SFSWAP: variants seen among roughly 807,000 people sequenced by gnomAD.
The protein encoded by SFSWAP is splicing factor SWAP.
Under a neutral mutation model 100.7 loss-of-function variants are expected in SFSWAP, and 17 were observed. The observed-to-expected ratio is 0.17, with a 90% CI of 0.12 to 0.25. SFSWAP has a LOEUF of 0.25. Ranked by LOEUF, SFSWAP falls within the 10% of genes least tolerant of loss-of-function variation. The pLI, the probability that SFSWAP is intolerant of heterozygous loss-of-function variation, is 1.00. For missense variants in SFSWAP, 1,005 were observed against 1,262.6 expected, an observed-to-expected ratio of 0.80 and a Z score of 3.09; for synonymous variants, 504 against 510.1, an observed-to-expected ratio of 0.99 and a Z score of 0.16.
In SFSWAP at chr12:131,714,015, C is replaced by T. The variant is rs1234059262; in HGVS notation, c.219-56C>T. On this transcript the variant is annotated intron_variant, in intron 1 of 17. Transcript: ENST00000261674. This position sits in a 1 kb window ranked among gnomAD's most constrained non-coding sequence, Gnocchi z 6.0. ...ATATACATATATAAAACATCACACA[C>T]GCACACCAGTCTAGACGTTAATTTC... 2.5e-5 allele frequency: 33 copies of T among 1,345,620 alleles called. No homozygotes were observed. The highest frequency in any genetic ancestry group is 2.5e-4 in the Middle Eastern group (1 of 3,986). The allele number at this position is 1,345,620 out of a possible 1,614,324, so 83.4% of individuals were successfully genotyped here. A position where few individuals can be genotyped will look rare whatever the true frequency, so the allele number is the denominator to read the frequency against.
intron 14 of SFSWAP, among the ~76,000 whole-genome samples, chr12:131,782,662 C>T (rs1884584965): frequency 6.6e-6 from 1 of 152,188 alleles, no homozygotes; most frequent in South Asian, 2.1e-4. Context: ...ATATAAAATA[C>T]AGAAAGTTAA....
chr12:131,745,770 C>CA (rs1181381602), intron 7 of SFSWAP, among the ~76,000 whole-genome samples: 62 of 119,186 alleles, frequency 5.2e-4, no homozygotes, highest in East Asian at 1.7e-3. Flanking sequence ...TTTTTTTTGG[C>CA]AAAAAAAAAA....
At chr12:131,713,152 T>C (rs1446617295) in intron 1 of SFSWAP, 1 of 152,234 alleles carries the variant, frequency 6.6e-6, no homozygotes, top group Non-Finnish European at 1.5e-5. Flanking sequence ...TGTTTGTTTC[T>C]CTACATTTGT....
intron 13 of SFSWAP, among the ~76,000 whole-genome samples, chr12:131,771,224 C>G (rs564816838): frequency 1.3e-5 from 2 of 152,318 alleles, no homozygotes; most frequent in Admixed American, 6.5e-5. Flanking sequence ...GTTATCAATG[C>G]TTACAGTAGT....
In SFSWAP at chr12:131,734,791, C is replaced by T. The variant is rs1331988041; in HGVS notation, c.1081+6363C>T. 6.6e-6 allele frequency among the ~76,000 whole-genome samples: 1 copy of T among 152,188 alleles called. No homozygotes were observed. Among genetic ancestry groups the T allele is most frequent in the African/African-American group, 2.4e-5 (1 of 41,438 alleles). On this transcript the variant is annotated intron_variant, in intron 7 of 17. Transcript: ENST00000261674. The surrounding 1 kb of genome is among the most constrained non-coding windows in gnomAD (Gnocchi z 4.9). ...CTGACAGGTGAGATGAACGAGCTCT[C>T]CCTGCGTGCGCACGTCTACGTACGC...
intron 4 of SFSWAP, among the ~76,000 whole-genome samples, chr12:131,720,934 A>G (rs942411128): frequency 2.6e-5 from 4 of 152,164 alleles, no homozygotes; most frequent in Admixed American, 2.6e-4. Flanking sequence ...ATTTATAAAG[A>G]AGAGGTTTAA....
chr12:131,720,323 G>A (rs1374114031), intron 4 of SFSWAP, among the ~76,000 whole-genome samples: 1 of 152,170 alleles, frequency 6.6e-6, no homozygotes, highest in Non-Finnish European at 1.5e-5. Flanking sequence ...AAGAAACTGA[G>A]ACTTAGGAAA....
intron 7 of SFSWAP, among the ~76,000 whole-genome samples, chr12:131,743,823 G>C (rs1424007790): frequency 6.6e-6 from 1 of 152,224 alleles, no homozygotes; most frequent in East Asian, 1.9e-4. Context: ...ACTTCTGCCT[G>C]GGCATCCAGG....
At chr12:131,721,232 T>C (rs911963706) in intron 4 of SFSWAP, among the ~76,000 whole-genome samples, 3 of 152,146 alleles carry the variant, frequency 2.0e-5, no homozygotes, top group Admixed American at 1.3e-4. Context: ...GCCTCCAACA[T>C]TGGGAATGAC....
Position 131,778,304 on chromosome 12 carries a change from T to G in SFSWAP, c.2382T>G (p.Ser794Arg). Residue 794 changes from serine (S) to arginine (R), a missense_variant, in exon 14 of 18, where the codon AGT (serine) becomes AGG (arginine). Coordinates refer to ENST00000261674, the MANE Select transcript of SFSWAP (RefSeq NM_004592.4). The surrounding 1 kb of genome is among the most constrained non-coding windows in gnomAD (Gnocchi z 4.2). ...CAAAAGCAAAGCATTCTCTTCCCAG[T>G]GCCTATCGGACAGTGCGGCGGTCGA... ...SHSKAKHSLP[S>R]AYRTVRRSRS... 1.2e-6 allele frequency: 2 copies of G among 1,614,116 alleles called. No homozygotes were observed. Among genetic ancestry groups the G allele is most frequent in the Non-Finnish European group, 1.7e-6 (2 of 1,180,012 alleles).
chr12:131,737,154 A>G (rs1379402766), intron 7 of SFSWAP, among the ~76,000 whole-genome samples: 3 of 152,204 alleles, frequency 2.0e-5, no homozygotes, highest in Admixed American at 6.5e-5. Context: ...GGGGTGGGCC[A>G]GGGCCCGAGC....
At chr12:131,753,522 A>G in intron 8 of SFSWAP, 159 bp downstream of exon 8, 1 of 988,290 alleles carries the variant, frequency 1.0e-6, no homozygotes, top group East Asian at 2.7e-5. Context: ...TACAAAGTTG[A>G]CAGGAAAACA....
intron 14 of SFSWAP, among the ~76,000 whole-genome samples, chr12:131,781,213 C>T (rs1418577872): frequency 6.7e-6 from 1 of 149,954 alleles, no homozygotes; most frequent in Non-Finnish European, 1.5e-5. Context: ...TATTACTTCA[C>T]ATATGCAAAT....
intron 7 of SFSWAP, among the ~76,000 whole-genome samples, chr12:131,742,038 T>A (rs932990922): frequency 1.3e-5 from 2 of 152,186 alleles, no homozygotes; most frequent in Non-Finnish European, 2.9e-5. Flanking sequence ...TCCAACAGCC[T>A]TCTTGGGAAG....
rs1483059962 is a variant in SFSWAP, at chr12:131,734,470, T to G, written c.1081+6042T>G. 6.6e-6 allele frequency among the ~76,000 whole-genome samples: 1 copy of G among 152,218 alleles called. No homozygotes were observed. The highest frequency in any genetic ancestry group is 1.9e-4 in the East Asian group (1 of 5,200). On this transcript the variant is annotated intron_variant, in intron 7 of 17. Transcript: ENST00000261674. The surrounding 1 kb of genome is among the most constrained non-coding windows in gnomAD (Gnocchi z 4.9). ...GCCCACCCCACGCACTCCCTGCTTG[T>G]AAGCCGGGGCCGCATTGTTGTGTTA...
intron 7 of SFSWAP, among the ~76,000 whole-genome samples, chr12:131,741,541 G>T (rs1314890317): frequency 4.6e-5 from 7 of 151,970 alleles, no homozygotes; most frequent in African/African-American, 1.4e-4. Context: ...GGAGAGTGAG[G>T]TGTGGGGGTT....
At chr12:131,761,878 G>T (rs1300892382) in intron 11 of SFSWAP, among the ~76,000 whole-genome samples, 1 of 152,160 alleles carries the variant, frequency 6.6e-6, no homozygotes, top group Non-Finnish European at 1.5e-5. Flanking sequence ...AGCTGTAAAG[G>T]CTGAGTAAGG....
chr12:131,751,667 T>C (rs1274930972), intron 7 of SFSWAP, among the ~76,000 whole-genome samples: 2 of 152,252 alleles, frequency 1.3e-5, no homozygotes, highest in African/African-American at 4.8e-5. Context: ...CTGATTTTGA[T>C]AGGAAGCCTA....
chr12:131,750,342 C>G (rs1206855588), intron 7 of SFSWAP, among the ~76,000 whole-genome samples: 2 of 152,230 alleles, frequency 1.3e-5, no homozygotes, highest in Non-Finnish European at 2.9e-5. Context: ...GTGTTTTCAT[C>G]TCATCAAGCA....
Sources: gnomAD v4.1 joint callset for allele counts (sites outside exome capture counted in the v4.1 genomes callset) on GRCh38, gnomAD v4.1.1 for gene constraint, Gnocchi (gnomAD v3.1) non-coding constraint, MANE v1.5 for transcripts, NCBI Gene and HGNC (gene_info 2026-07-23, HGNC 2026-07-21) for gene names.